The following AGR3 variants were observed in gnomAD, a reference collection of about 807,000 sequenced individuals.
AGR3 encodes anterior gradient protein 3.
In AGR3, 37 loss-of-function variants were observed where a neutral mutation model predicts 24.5. The ratio of observed to expected loss-of-function variants is 1.51; its 90% CI spans 1.16 to 1.99. The LOEUF is 1.99. Ranked by LOEUF, AGR3 falls within the 30% of genes most tolerant of loss-of-function variation. AGR3 has a pLI of 0.00. For synonymous variants in AGR3, 75 were observed against 61.6 expected, an observed-to-expected ratio of 1.22 and a Z score of -1.02; for missense variants, 228 against 191.1, an observed-to-expected ratio of 1.19 and a Z score of -1.14.
intron 3 of AGR3, among the ~76,000 whole-genome samples, chr7:16,869,322 G>T (rs1781820680): frequency 6.6e-6 from 1 of 151,970 alleles, no homozygotes; most frequent in Non-Finnish European, 1.5e-5. Flanking sequence ...TACATTTTTT[G>T]ATTTAAAGTC....
chr7:16,872,731 C>T (rs528930266), intron 3 of AGR3, among the ~76,000 whole-genome samples: 3 of 152,058 alleles, frequency 2.0e-5, no homozygotes, highest in Non-Finnish European at 4.4e-5. Flanking sequence ...CTAGAATATA[C>T]AAGGAACTCA....
chr7:16,879,011 C>T (rs1216884819), intron 1 of AGR3, among the ~76,000 whole-genome samples: 1 of 152,170 alleles, frequency 6.6e-6, no homozygotes, highest in South Asian at 2.1e-4. Context: ...TATGAAGTGA[C>T]TTTTAGCATG....
intron 3 of AGR3, among the ~76,000 whole-genome samples, chr7:16,872,591 A>T (rs1245973163): frequency 6.6e-6 from 1 of 152,176 alleles, no homozygotes; most frequent in African/African-American, 2.4e-5. Flanking sequence ...GGCAACAAAA[A>T]CAAAAATAGA....
downstream of AGR3, among the ~76,000 whole-genome samples, chr7:16,855,592 C>A (rs1781547243): frequency 6.6e-6 from 1 of 152,136 alleles, no homozygotes; most frequent in African/African-American, 2.4e-5. Context: ...GAGAAGGGGG[C>A]TGGGGACAGG....
chr7:16,872,560 G>A lies in AGR3; in HGVS notation c.173+1220C>T, dbSNP rs563610558. On this transcript the variant is annotated intron_variant, in intron 3 of 7. Coordinates refer to ENST00000310398, the MANE Select transcript of AGR3 (RefSeq NM_176813.5). ...CATTGTTCCCTGCAAAAAAATGTAT[G>A]GGTAAGATTTCAAAAGCACAGGCAA... Among the ~76,000 whole-genome samples, 3 of 152,266 alleles carry A rather than the reference G, an allele frequency of 2.0e-5. No individual in the cohort carries two copies. In the South Asian group the frequency reaches 6.2e-4, roughly 32 times the overall value.
At chr7:16,857,578 T>C (rs1321836942), downstream of AGR3, among the ~76,000 whole-genome samples, 1 of 152,198 alleles carries the variant, frequency 6.6e-6, no homozygotes, top group African/African-American at 2.4e-5. Flanking sequence ...AATCAGAGAA[T>C]GCCAGTGCAT....
chr7:16,874,671 C>T (rs572234245), intron 2 of AGR3, among the ~76,000 whole-genome samples: 19 of 152,208 alleles, frequency 1.2e-4, no homozygotes, highest in African/African-American at 4.1e-4. Flanking sequence ...CAAATGTTGT[C>T]AGACCACAGT....
At chr7:16,876,852 T>C (rs1375699439) in intron 2 of AGR3, among the ~76,000 whole-genome samples, 1 of 152,192 alleles carries the variant, frequency 6.6e-6, no homozygotes, top group African/African-American at 2.4e-5. Flanking sequence ...ACACAGAATG[T>C]TGATGCCTTG....
In AGR3 at chr7:16,859,538, T is replaced by G. The variant is rs1415558257; in HGVS notation, c.*44A>C. 1 of 1,367,444 alleles carries G rather than the reference T, an allele frequency of 7.3e-7. No homozygotes were observed. Among genetic ancestry groups the G allele is most frequent in the Admixed American group, 2.0e-5 (1 of 50,820 alleles). 84.7% of individuals were successfully genotyped at this position (1,367,444 alleles called of 1,614,324 possible). A position where few individuals can be genotyped will look rare whatever the true frequency, so the allele number is the denominator to read the frequency against. On this transcript the variant is annotated 3_prime_UTR_variant, in exon 8 of 8. Transcript: ENST00000310398. ...GTCAATGTGCCAGAGGTTTTCTTCA[T>G]GAAATTTGACTTCTTTGAAGTGAAG...
At chr7:16,872,767 A>G (rs1281561313) in intron 3 of AGR3, among the ~76,000 whole-genome samples, 4 of 152,126 alleles carry the variant, frequency 2.6e-5, no homozygotes, top group Non-Finnish European at 5.9e-5. Context: ...AAAAACCCCA[A>G]ATGATTTGAT....
chr7:16,860,822 T>C (rs1413689058), intron 6 of AGR3, among the ~76,000 whole-genome samples: 1 of 152,116 alleles, frequency 6.6e-6, no homozygotes, highest in East Asian at 1.9e-4. Flanking sequence ...CGTTTTGGAG[T>C]TCCTATTGTC....
At chr7:16,866,471 G>A (rs1284071731) in intron 3 of AGR3, among the ~76,000 whole-genome samples, 1 of 152,166 alleles carries the variant, frequency 6.6e-6, no homozygotes, top group Non-Finnish European at 1.5e-5. Context: ...AGGTGGGTAT[G>A]TTTGTGAATA....
chr7:16,861,817 C>T (rs1417317622), intron 5 of AGR3, among the ~76,000 whole-genome samples, 167 bp downstream of exon 5: 4 of 150,770 alleles, frequency 2.7e-5, no homozygotes, highest in African/African-American at 9.8e-5. Context: ...AGGAGAACTG[C>T]TTGAACCAGG....
intron 3 of AGR3, among the ~76,000 whole-genome samples, chr7:16,872,951 A>C (rs759582955): frequency 6.6e-6 from 1 of 152,230 alleles, no homozygotes; most frequent in African/African-American, 2.4e-5. Flanking sequence ...ACAAAAAATA[A>C]CAAATGCTGG....
chr7:16,880,020 C>G (rs376445721), intron 1 of AGR3, among the ~76,000 whole-genome samples: 12 of 147,804 alleles, frequency 8.1e-5, no homozygotes, highest in Admixed American at 2.6e-4. Flanking sequence ...ACTTTATTTC[C>G]CTCCCTAATC....
chr7:16,864,573 A>G (rs1005075662), intron 3 of AGR3: 3 of 1,452,154 alleles, frequency 2.1e-6, no homozygotes, highest in Non-Finnish European at 2.9e-6. Flanking sequence ...CTTGGATAAG[A>G]GAAATCTGAG....
At chr7:16,858,800 C>T (rs1781587507), downstream of AGR3, among the ~76,000 whole-genome samples, 1 of 151,968 alleles carries the variant, frequency 6.6e-6, no homozygotes, top group Admixed American at 6.6e-5. Flanking sequence ...GAACGGGTAG[C>T]AGCGGGGACG....
At chr7:16,861,945 A>C (rs1583835251) in intron 5 of AGR3, 39 bp downstream of exon 5, 1 of 1,476,424 alleles carries the variant, frequency 6.8e-7, no homozygotes, top group Admixed American at 2.1e-5. Flanking sequence ...AATTTCCATG[A>C]AATTATAGTA....
At position 16,862,687 on chromosome 7, in the gene AGR3, A is replaced by G. The variant is rs562168002; in HGVS notation, c.174-25T>C. 1.7e-5 allele frequency: 25 copies of G among 1,498,164 alleles called. No homozygotes were observed. In the Admixed American group the frequency reaches 4.2e-4, roughly 25 times the overall value. The allele number at this position is 1,498,164 out of a possible 1,614,324, so 92.8% of individuals were successfully genotyped here. Reference sequence around the variant, plus strand: ...ACTAAACAAAGAAAGTATGGAATTAAGTCAAATGATTAACTTTGGGTCAAA... The same window carrying G: ...ACTAAACAAAGAAAGTATGGAATTAGGTCAAATGATTAACTTTGGGTCAAA... On this transcript the variant is annotated intron_variant, in intron 3 of 7. Transcript: ENST00000310398.
Sources: gnomAD v4.1 joint callset for allele counts (sites outside exome capture counted in the v4.1 genomes callset) on GRCh38, gnomAD v4.1.1 for gene constraint, MANE v1.5 for transcripts, NCBI Gene and HGNC (gene_info 2026-07-23, HGNC 2026-07-21) for gene names.